The following GOLGA4 variants were observed in gnomAD, a reference collection of about 807,000 sequenced individuals.
The protein encoded by GOLGA4 is golgin A4.
In GOLGA4, 169 loss-of-function variants were observed where a neutral mutation model predicts 265.9. The ratio of observed to expected loss-of-function variants is 0.64; its 90% CI spans 0.56 to 0.72. The LOEUF is 0.72. Ranked by LOEUF, GOLGA4 falls within the 30% of genes least tolerant of loss-of-function variation. The pLI, the probability that GOLGA4 is intolerant of heterozygous loss-of-function variation, is 0.00. For missense variants in GOLGA4, 2,482 were observed against 2,483.4 expected (o/e 1.00, Z 0.01); for synonymous variants, 923 against 855.8 (o/e 1.08, Z -1.37).
rs774239096 is a variant in GOLGA4, at chr3:37,302,341, T to G, written c.1234+9T>G. ...AAAGTCCGAAAGAGCTGGTAAGAAC[T>G]TGAGGGTTACTTGTTTTATGTTGGA... On this transcript the variant is annotated intron_variant, in intron 10 of 23. Transcript: ENST00000361924. The G allele has an allele frequency of 1.9e-6, 3 of 1,607,520 alleles. No individual in the cohort carries two copies. The highest frequency in any genetic ancestry group is 2.7e-5 in the African/African-American group (2 of 74,392).
In GOLGA4 at chr3:37,326,814, A is replaced by G; in HGVS notation, c.4928A>G (p.Lys1643Arg). The G allele has an allele frequency of 6.2e-7, 1 of 1,613,828 alleles. No homozygotes were observed. Among genetic ancestry groups the G allele is most frequent in the Non-Finnish European group, 8.5e-7 (1 of 1,179,852 alleles). The change falls in exon 14 of 24, where the codon AAA (lysine) becomes AGA (arginine). Residue 1643 changes from lysine to arginine, a missense_variant. Transcript: ENST00000361924. ...GCAAAATTAGCAGAGTTGAAGAGAA[A>G]AGCTGAACAAAAAATTGCTGCCATT... ...SAAKLAELKR[K>R]AEQKIAAIKK...
chr3:37,268,189 C>T (rs1176684739), intron 2 of GOLGA4, among the ~76,000 whole-genome samples: 1 of 152,006 alleles, frequency 6.6e-6, no homozygotes, highest in East Asian at 1.9e-4. Flanking sequence ...TCAAGCAGTC[C>T]TTCTTCCTCA....
At chr3:37,295,252 C>T (rs568507279) in intron 6 of GOLGA4, among the ~76,000 whole-genome samples, 175 bp downstream of exon 6, 3 of 152,260 alleles carry the variant, frequency 2.0e-5, no homozygotes, top group Admixed American at 2.0e-4. Flanking sequence ...GAGTCTTGCT[C>T]TTTCACCCTG....
chr3:37,361,842 G>A (rs1696296940), intron 23 of GOLGA4, among the ~76,000 whole-genome samples: 1 of 152,202 alleles, frequency 6.6e-6, no homozygotes, highest in Non-Finnish European at 1.5e-5. Flanking sequence ...TTTGTCCTGA[G>A]GAGACCGTTA....
Position 37,298,867 on chromosome 3 carries a change from A to G in GOLGA4, c.849A>G (p.Thr283=), listed in dbSNP as rs1292435968. 3.1e-6 allele frequency: 5 copies of G among 1,609,732 alleles called. No individual in the cohort carries two copies. The highest frequency in any genetic ancestry group is 4.5e-5 in the East Asian group (2 of 44,864). ...GAACTTCTGTAAAAACACTGGAAAC[A>G]CTCCAGCAAAGAGTGAAGCGTCAAG... is the stretch of plus-strand genomic sequence containing the variant. The part of the protein sequence containing the change: ...EDGTSVKTLE[T]LQQRVKRQEN... The change falls in exon 8 of 24, where the codon ACA becomes ACG. Residue 283 remains threonine, a synonymous_variant. Transcript: ENST00000361924.
rs375994298 is a variant in GOLGA4 at position 37,281,930 on chromosome 3, C to T, written c.163-28C>T. 15 of 1,546,174 alleles carry T rather than the reference C, an allele frequency of 9.7e-6. No individual in the cohort carries two copies. The African/African-American group carries it at 1.1e-4, about 11-fold the overall frequency. On this transcript the variant is annotated intron_variant, in intron 2 of 23. Coordinates refer to ENST00000361924, the MANE Select transcript of GOLGA4 (RefSeq NM_002078.5). ...AAGTCTAAATGTATGTATTTTAATC[C>T]ACACATTCTGTTGGGTTTTGGTTGC...
At chr3:37,346,821 T>C (rs1016493383) in intron 20 of GOLGA4, among the ~76,000 whole-genome samples, 9 of 152,240 alleles carry the variant, frequency 5.9e-5, no homozygotes, top group African/African-American at 2.2e-4. Context: ...TGCTTTGTAT[T>C]GTCTGACTTT....
chr3:37,266,025 CAAAAAA>C (rs745369147), intron 2 of GOLGA4, among the ~76,000 whole-genome samples: 1 of 97,058 alleles, frequency 1.0e-5, no homozygotes, highest in Non-Finnish European at 2.0e-5. Flanking sequence ...GACCTTGTCT[CAAAAAA>C]AAAAAAAAAA....
intron 10 of GOLGA4, among the ~76,000 whole-genome samples, chr3:37,307,036 G>GT (rs1308296361): frequency 5.3e-5 from 8 of 152,174 alleles, no homozygotes; most frequent in Admixed American, 3.9e-4. Flanking sequence ...CCATTAAAAT[G>GT]TTTTTTCCTA....
At chr3:37,320,694 A>C (rs1463603212) in intron 12 of GOLGA4, among the ~76,000 whole-genome samples, 1 of 152,220 alleles carries the variant, frequency 6.6e-6, no homozygotes, top group Non-Finnish European at 1.5e-5. Context: ...AATAGTGCTA[A>C]AAATGCCTGT....
Position 37,282,048 on chromosome 3 carries a change from T to G in GOLGA4, c.253T>G (p.Phe85Val), listed in dbSNP as rs2096836116. 6.2e-7 allele frequency: 1 copy of G among 1,614,096 alleles called. No homozygotes were observed. Among genetic ancestry groups the G allele is most frequent in the Non-Finnish European group, 8.5e-7 (1 of 1,179,930 alleles). The change falls in exon 3 of 24, where the codon TTC (phenylalanine) becomes GTC (valine). Residue 85 changes from phenylalanine to valine, a missense_variant. By Grantham distance (50) the Phe-to-Val change is conservative. Around this residue, in one of 3 missense-constraint regions of GOLGA4, gnomAD observed 1,536 missense variants for 1,483.7 expected, o/e 1.04. Coordinates refer to ENST00000361924, the MANE Select transcript of GOLGA4 (RefSeq NM_002078.5). ...TCGAAGTCCGATAAAGGAATCTCTATTCCGGTCTTCTTCTAAAGAGTCTTT... is the reference window on the plus strand; with the variant it reads ...TCGAAGTCCGATAAAGGAATCTCTAGTCCGGTCTTCTTCTAAAGAGTCTTT... ...LFRSPIKESL[F>V]RSSSKESLVR...
Position 37,299,278 on chromosome 3 carries a change from T to TG in GOLGA4, c.1003-10_1003-9insG. 6.4e-7 allele frequency: 1 copy of TG among 1,564,094 alleles called. No homozygotes were observed. Among genetic ancestry groups the TG allele is most frequent in the Non-Finnish European group, 8.8e-7 (1 of 1,138,462 alleles). On this transcript the variant is annotated splice_polypyrimidine_tract_variant and intron_variant, in intron 8 of 23. Transcript: ENST00000361924. ...TTAGAGATGGAAATGAATTTAAAAA[T>TG]TTTTTTTAGGACCTTCATATGGCCG...
chr3:37,340,238 TTTA>T (rs1380238948), intron 20 of GOLGA4, 39 bp downstream of exon 20: 8 of 728,116 alleles, frequency 1.1e-5, no homozygotes, highest in Non-Finnish European at 1.6e-5. Flanking sequence ...ACTGTTATCT[TTTA>T]TTGGTGGATT....
chr3:37,353,600 C>T (rs926842279), intron 21 of GOLGA4, among the ~76,000 whole-genome samples: 16 of 151,972 alleles, frequency 1.1e-4, no homozygotes, highest in African/African-American at 2.4e-4. Context: ...GATAGCGGTG[C>T]GATCGTAGTT....
At chr3:37,272,737 A>G (rs1328384859) in intron 2 of GOLGA4, among the ~76,000 whole-genome samples, 2 of 152,230 alleles carry the variant, frequency 1.3e-5, no homozygotes, top group Non-Finnish European at 2.9e-5. Context: ...GGGAAATGCA[A>G]GATGTAACTA....
intron 17 of GOLGA4, among the ~76,000 whole-genome samples, chr3:37,336,482 C>T (rs567481698): frequency 4.0e-5 from 6 of 151,796 alleles, no homozygotes; most frequent in East Asian, 1.9e-4. Context: ...TTAATTTGGC[C>T]GGGAGAGGTA....
chr3:37,319,970 T>C (rs2096950160), intron 12 of GOLGA4: 1 of 152,110 alleles, frequency 6.6e-6, no homozygotes, highest in Admixed American at 6.6e-5. Context: ...TCAGACTGAG[T>C]GTACCCAGAG....
chr3:37,299,277 ATTT>A lies in GOLGA4; in HGVS notation c.1003-5_1003-3del. 6.4e-7 allele frequency: 1 copy of A among 1,574,640 alleles called. No individual in the cohort carries two copies. The highest frequency in any genetic ancestry group is 8.7e-7 in the Non-Finnish European group (1 of 1,147,116). On this transcript the variant is annotated splice_region_variant and splice_polypyrimidine_tract_variant and intron_variant, in intron 8 of 23. Transcript: ENST00000361924. ...ATTAGAGATGGAAATGAATTTAAAA[ATTT>A]TTTTTAGGACCTTCATATGGCCGAG...
intron 2 of GOLGA4, among the ~76,000 whole-genome samples, chr3:37,260,942 G>A (rs1449264213): frequency 6.6e-6 from 1 of 151,804 alleles, no homozygotes; most frequent in African/African-American, 2.4e-5. Context: ...TGCAGCAGGA[G>A]GAATGCTTGA....
Sources: gnomAD v4.1 joint callset for allele counts (sites outside exome capture counted in the v4.1 genomes callset) on GRCh38, gnomAD v4.1.1 for gene constraint, gnomAD v4.1.1 regional missense constraint, MANE v1.5 for transcripts, NCBI Gene and HGNC (gene_info 2026-07-23, HGNC 2026-07-21) for gene names.